S100A10: variants seen among roughly 807,000 people sequenced by gnomAD.
The protein encoded by S100A10 is S100 calcium binding protein A10.
Under a neutral mutation model 7.1 loss-of-function variants are expected in S100A10, and 3 were observed. The observed-to-expected ratio is 0.42, with a 90% confidence interval of 0.19 to 1.10. The LOEUF (loss-of-function observed/expected upper bound fraction) is 1.10, where lower values mean the gene tolerates loss of function less well. Among genes scored for constraint, S100A10 ranks in the 50% least tolerant of loss-of-function variants. The pLI is 0.29. For missense variants in S100A10, 101 were observed against 118.1 expected, an observed-to-expected ratio of 0.86 and a Z score of 0.67; for synonymous variants, 41 against 39.3, an observed-to-expected ratio of 1.04 and a Z score of -0.16.
intron 2 of S100A10, among the ~76,000 whole-genome samples, chr1:151,984,733 C>T (rs1655757516): frequency 6.6e-6 from 1 of 152,212 alleles, no homozygotes; most frequent in African/African-American, 2.4e-5. Flanking sequence ...TTACAATGAG[C>T]ACATTTTGTC....
At chr1:151,992,826 G>T (rs1655934933) in intron 1 of S100A10, among the ~76,000 whole-genome samples, 1 of 152,182 alleles carries the variant, frequency 6.6e-6, no homozygotes, top group South Asian at 2.1e-4. Flanking sequence ...TTCCACCCCA[G>T]CCAACAAGGC....
intron 1 of S100A10, among the ~76,000 whole-genome samples, chr1:151,989,013 T>C (rs1273562947): frequency 6.6e-6 from 1 of 152,014 alleles, no homozygotes; most frequent in Non-Finnish European, 1.5e-5. Flanking sequence ...CTGGGTGGGG[T>C]ACCTAGTTTA....
Position 151,986,244 on chromosome 1 carries a change from G to A in S100A10, c.-14C>T, listed in dbSNP as rs774303668. 2.5e-6 allele frequency: 4 copies of A among 1,592,034 alleles called. No homozygotes were observed. Among genetic ancestry groups the A allele is most frequent in the Admixed American group, 1.8e-5 (1 of 54,806 alleles). On this transcript the variant is annotated 5_prime_UTR_variant, in exon 2 of 3. It adds an upstream start codon to the 5' untranslated region. Transcript: ENST00000368811. ...TTGAGATGGCATTTTGGTGTGGTCC[G>A]TTGAAGCCTATTAAAGGATGTAAAG...
intron 1 of S100A10, among the ~76,000 whole-genome samples, chr1:151,987,887 T>A (rs1212247058): frequency 6.6e-6 from 1 of 152,210 alleles, no homozygotes; most frequent in African/African-American, 2.4e-5. Context: ...GACAGTTGCA[T>A]CTCTGGCAGT....
intron 1 of S100A10, among the ~76,000 whole-genome samples, chr1:151,990,704 C>A (rs1416606049): frequency 6.6e-6 from 1 of 152,220 alleles, no homozygotes; most frequent in African/African-American, 2.4e-5. Context: ...TGCACACACA[C>A]ACAAAGCTCT....
At chr1:151,990,823 GTTTT>G (rs1432337901) in intron 1 of S100A10, among the ~76,000 whole-genome samples, 1 of 152,138 alleles carries the variant, frequency 6.6e-6, no homozygotes, top group Admixed American at 6.5e-5. Flanking sequence ...TAGGTTGCAG[GTTTT>G]TTGAGCAGGG....
intron 1 of S100A10, 106 bp from the exon 2 acceptor site, chr1:151,986,357 T>C: frequency 3.7e-6 from 3 of 811,794 alleles, no homozygotes; most frequent in Non-Finnish European, 5.8e-6. Flanking sequence ...ATGTATTTAA[T>C]GTGTACAACA....
intron 1 of S100A10, among the ~76,000 whole-genome samples, chr1:151,990,519 G>A (rs1002412615): frequency 6.6e-6 from 1 of 152,144 alleles, no homozygotes; most frequent in South Asian, 2.1e-4. Flanking sequence ...GAAGGGAGGC[G>A]GAGACATCTT....
chr1:151,986,655 G>A (rs1327641313), intron 1 of S100A10, among the ~76,000 whole-genome samples: 1 of 152,204 alleles, frequency 6.6e-6, no homozygotes, highest in East Asian at 1.9e-4. Context: ...GAAATTCAGT[G>A]TTTAAGATTC....
At position 151,993,262 on chromosome 1, in the gene S100A10, C is replaced by G. The variant is rs953186974; in HGVS notation, c.-22+490G>C. Among the ~76,000 whole-genome samples, 1 of 152,154 alleles carries G rather than the reference C, an allele frequency of 6.6e-6. No homozygotes were observed. The highest frequency in any genetic ancestry group is 1.5e-5 in the Non-Finnish European group (1 of 68,018). The stretch of plus-strand genomic sequence containing the variant: ...AAGGGTTACGGAAGGGACGCCCCAG[C>G]TGCCTACTCGTCCTACCCGCGCCTA... On this transcript the variant is annotated intron_variant, in intron 1 of 2. Coordinates refer to ENST00000368811, the MANE Select transcript of S100A10 (RefSeq NM_002966.3). This position sits in a 1 kb window ranked among gnomAD's most constrained non-coding sequence, Gnocchi z 5.1.
rs77638008 is a variant in S100A10, at chr1:151,993,772, C to CGCTGGGCGA, written c.-51_-43dup. ...CTCACCTTGGCCGAGGCGCGGCGGA[C>CGCTGGGCGA]GCTGGGCGAGCTGGGCGAGCTGGAC... On this transcript the variant is annotated 5_prime_UTR_variant, in exon 1 of 3. Coordinates refer to ENST00000368811, the MANE Select transcript of S100A10 (RefSeq NM_002966.3). This position sits in a 1 kb window ranked among gnomAD's most constrained non-coding sequence, Gnocchi z 5.1. 4,202 of 156,464 alleles carry CGCTGGGCGA rather than the reference C, an allele frequency of 0.027. 71 individuals carry two copies. The highest frequency in any genetic ancestry group is 0.042 in the Non-Finnish European group (3,006 of 71,102). 9.7% of individuals were successfully genotyped at this position (156,464 alleles called of 1,614,324 possible).
Position 151,982,967 on chromosome 1 carries a change from A to G in S100A10, c.*196T>C, listed in dbSNP as rs1655725923. ...TTGAGGGCAAGGGGATGCAAACAAT[A>G]CAAAAATCAAAAGCTTATCTGGTAT... On this transcript the variant is annotated 3_prime_UTR_variant, in exon 3 of 3. Transcript: ENST00000368811. The G allele has an allele frequency of 2.3e-6, 1 of 433,140 alleles. No homozygotes were observed. The highest frequency in any genetic ancestry group is 4.1e-6 in the Non-Finnish European group (1 of 244,570). 26.8% of individuals were successfully genotyped at this position (433,140 alleles called of 1,614,324 possible).
chr1:151,992,375 G>A (rs1655923353), intron 1 of S100A10: 3 of 152,198 alleles, frequency 2.0e-5, no homozygotes, highest in Admixed American at 1.3e-4. Context: ...TACCTCCCAA[G>A]TAAGGCTGAG....
chr1:151,991,511 G>A (rs2101771446), intron 1 of S100A10, among the ~76,000 whole-genome samples: 1 of 152,306 alleles, frequency 6.6e-6, no homozygotes, highest in African/African-American at 2.4e-5. Flanking sequence ...TGGTAGGATG[G>A]GTGGTATTTA....
chr1:151,990,776 G>A (rs1368804295), intron 1 of S100A10, among the ~76,000 whole-genome samples: 2 of 152,192 alleles, frequency 1.3e-5, no homozygotes, highest in Non-Finnish European at 2.9e-5. Flanking sequence ...CATTTGGCCT[G>A]AATTCTAGTT....
Position 151,982,933 on chromosome 1 carries a change from C to CT in S100A10, c.*229dup. ...TCTCAAATTTGGAACTAAAAAAGAA[C>CT]TTTATTTATTGAGGGCAAGGGGATG... is the stretch of plus-strand genomic sequence containing the variant. On this transcript the variant is annotated 3_prime_UTR_variant, in exon 3 of 3. Coordinates refer to ENST00000368811, the MANE Select transcript of S100A10 (RefSeq NM_002966.3). 1 of 319,206 alleles carries CT rather than the reference C, an allele frequency of 3.1e-6. No individual in the cohort carries two copies. The highest frequency in any genetic ancestry group is 5.7e-6 in the Non-Finnish European group (1 of 176,158). The allele number at this position is 319,206 out of a possible 1,614,324, so 19.8% of individuals were successfully genotyped here.
Position 151,986,262 on chromosome 1 carries a change from A to C in S100A10, c.-21-11T>G, listed in dbSNP as rs1021240485. 3 of 1,565,000 alleles carry C rather than the reference A, an allele frequency of 1.9e-6. No homozygotes were observed. ...GTGGTCCGTTGAAGCCTATTAAAGG[A>C]TGTAAAGTAACAGGGTCTACATTAA... On this transcript the variant is annotated splice_polypyrimidine_tract_variant and intron_variant, in intron 1 of 2. Coordinates refer to ENST00000368811, the MANE Select transcript of S100A10 (RefSeq NM_002966.3).
At chr1:151,987,578 T>A (rs950002754) in intron 1 of S100A10, among the ~76,000 whole-genome samples, 8 of 150,628 alleles carry the variant, frequency 5.3e-5, no homozygotes, top group Non-Finnish European at 1.2e-4. Context: ...CTTGCTCTGT[T>A]GCCCAGGCTG....
intron 2 of S100A10, among the ~76,000 whole-genome samples, chr1:151,985,495 T>C (rs923189966): frequency 7.1e-6 from 1 of 140,452 alleles, no homozygotes; most frequent in African/African-American, 2.6e-5. Context: ...CATTATTATG[T>C]GAAAAGCAGT....
Sources: gnomAD v4.1 joint callset for allele counts (sites outside exome capture counted in the v4.1 genomes callset) on GRCh38, gnomAD v4.1.1 for gene constraint, Gnocchi (gnomAD v3.1) non-coding constraint, MANE v1.5 for transcripts, NCBI Gene and HGNC (gene_info 2026-07-23, HGNC 2026-07-21) for gene names.